The following MARCHF1 variants were observed in gnomAD, a reference collection of about 807,000 sequenced individuals.
The protein encoded by MARCHF1 is membrane associated ring-CH-type finger 1.
MARCHF1 carries 40 observed loss-of-function variants against 54.2 expected under a neutral mutation model. That is an observed-to-expected ratio of 0.74 (90% CI 0.57 to 0.96). The LOEUF is 0.96. Among genes scored for constraint, MARCHF1 ranks in the 40% least tolerant of loss-of-function variants. The pLI is 0.00. For missense variants in MARCHF1, 586 were observed against 656.5 expected (o/e 0.89, Z 1.17); for synonymous variants, 236 against 236.3 (o/e 1.00, Z 0.01).
chr4:163,857,015 A>ACAATAAAT (rs1553958806), intron 3 of MARCHF1, among the ~76,000 whole-genome samples: 10 of 131,528 alleles, frequency 7.6e-5, no homozygotes, highest in East Asian at 2.1e-4. Flanking sequence ...TTTGTCTCGA[A>ACAATAAAT]AAATAAATAA....
At chr4:163,532,627 CAT>C (rs938678714) in intron 9 of MARCHF1, among the ~76,000 whole-genome samples, 6 of 151,796 alleles carry the variant, frequency 4.0e-5, no homozygotes, top group African/African-American at 1.2e-4. Context: ...ATTTGCAAAA[CAT>C]ATTCTGAAAA....
At chr4:163,757,647 A>G (rs1249679888) in intron 4 of MARCHF1, among the ~76,000 whole-genome samples, 1 of 152,210 alleles carries the variant, frequency 6.6e-6, no homozygotes, top group Non-Finnish European at 1.5e-5. Flanking sequence ...TAGAAACACC[A>G]TAGAAACACA....
chr4:163,727,859 T>A (rs186580853), intron 4 of MARCHF1, among the ~76,000 whole-genome samples: 6 of 151,954 alleles, frequency 3.9e-5, no homozygotes, highest in South Asian at 2.1e-4. Flanking sequence ...TTTATTTTTT[T>A]AATTTTATAT....
Position 163,944,409 on chromosome 4 carries a change from C to G in MARCHF1, c.-39+44092G>C, listed in dbSNP as rs555178864. 2.2e-4 allele frequency among the ~76,000 whole-genome samples: 34 copies of G among 152,300 alleles called. No individual in the cohort carries two copies. In the East Asian group the frequency reaches 5.8e-3, roughly 26 times the overall value. ...GAAAGCTGCTTCACCTGATGTCACA[C>G]CTTTTGTGGGGAAGTCCACAACCAG... On this transcript the variant is annotated intron_variant, in intron 3 of 9. Transcript: ENST00000514618.
At chr4:163,828,395 T>G (rs1748916093) in intron 4 of MARCHF1, among the ~76,000 whole-genome samples, 1 of 152,152 alleles carries the variant, frequency 6.6e-6, no homozygotes, top group African/African-American at 2.4e-5. Flanking sequence ...GCTTCAGTCA[T>G]TATAGACTTT....
intron 4 of MARCHF1, among the ~76,000 whole-genome samples, chr4:163,730,796 T>C (rs886761029): frequency 1.3e-5 from 2 of 152,164 alleles, no homozygotes; most frequent in African/African-American, 2.4e-5. Context: ...CCAAAGAGTA[T>C]GAATTTGTTC....
chr4:163,928,549 C>T (rs182294614), intron 3 of MARCHF1, among the ~76,000 whole-genome samples: 97 of 151,974 alleles, frequency 6.4e-4, no homozygotes, highest in African/African-American at 2.3e-3. Flanking sequence ...TGACTTGAGG[C>T]AATCTTAACT....
chr4:163,830,392 A>C (rs1748985091), intron 4 of MARCHF1, among the ~76,000 whole-genome samples: 2 of 152,264 alleles, frequency 1.3e-5, no homozygotes, highest in South Asian at 4.1e-4. Flanking sequence ...ATTGGACTAA[A>C]GGAGGCAACT....
In MARCHF1 at chr4:164,247,425, G is replaced by A. The variant is rs1732983328; in HGVS notation, c.-322-135763C>T. Among the ~76,000 whole-genome samples, 3 of 151,602 alleles carry A rather than the reference G, an allele frequency of 2.0e-5. No homozygotes were observed. In the South Asian group the frequency reaches 6.3e-4, roughly 32 times the overall value. On this transcript the variant is annotated intron_variant, in intron 1 of 9. Transcript: ENST00000514618. Reference sequence around the variant, plus strand: ...TGAACAATGAGATCACATGGACACAGGAAGGGGAATATCACACTCTGGTGA... The same window carrying A: ...TGAACAATGAGATCACATGGACACAAGAAGGGGAATATCACACTCTGGTGA...
chr4:163,831,126 C>A (rs1053060229), intron 4 of MARCHF1, among the ~76,000 whole-genome samples: 1 of 152,224 alleles, frequency 6.6e-6, no homozygotes, highest in African/African-American at 2.4e-5. Flanking sequence ...TGGCTAAATT[C>A]TCTTCGTAAC....
rs57456905 is a variant in MARCHF1 at position 164,327,850 on chromosome 4, C to T, written c.-323+56020G>A. 2.3e-3 allele frequency among the ~76,000 whole-genome samples: 345 copies of T among 152,286 alleles called. 1 individual carries two copies. The highest frequency in any genetic ancestry group is 7.7e-3 in the African/African-American group (320 of 41,568). On this transcript the variant is annotated intron_variant, in intron 1 of 9. Transcript: ENST00000514618. ...AGCCCCTGCAGCTGGAAAGCTGGTG[C>T]AGCTATTCTTTAAAATAGAAACAAG...
chr4:164,356,590 G>C (rs1432719902), intron 1 of MARCHF1, among the ~76,000 whole-genome samples: 1 of 139,990 alleles, frequency 7.1e-6, no homozygotes, highest in East Asian at 2.1e-4. Context: ...CACATGAAGG[G>C]GATCACACTC....
At chr4:163,752,381 C>T (rs72995229) in intron 4 of MARCHF1, among the ~76,000 whole-genome samples, 5,883 of 152,192 alleles carry the variant, frequency 0.039, 168 homozygotes, top group East Asian at 0.077. Flanking sequence ...GATATCACAA[C>T]GACACCATAG....
At chr4:164,259,666 T>C (rs1285474944) in intron 1 of MARCHF1, among the ~76,000 whole-genome samples, 1 of 151,940 alleles carries the variant, frequency 6.6e-6, no homozygotes, top group Non-Finnish European at 1.5e-5. Flanking sequence ...TATTAAGCTG[T>C]TGTTTAGGGG....
At chr4:164,041,944 G>A (rs1754138182) in intron 2 of MARCHF1, among the ~76,000 whole-genome samples, 1 of 151,982 alleles carries the variant, frequency 6.6e-6, no homozygotes. Flanking sequence ...TTATTTAAAT[G>A]ATCAATCCAG....
At position 163,799,213 on chromosome 4, in the gene MARCHF1, G is replaced by A. The variant is rs561523456; in HGVS notation, c.111+54808C>T. 1.9e-4 allele frequency among the ~76,000 whole-genome samples: 29 copies of A among 152,172 alleles called. No homozygotes were observed. The East Asian group carries it at 1.9e-3, about 10-fold the overall frequency. On this transcript the variant is annotated intron_variant, in intron 4 of 9. Coordinates refer to ENST00000514618, the MANE Select transcript of MARCHF1 (RefSeq NM_001394959.1). ...TAGCAGCTCCCTATCTGGATAGTGCGGACTGAGAGCATTTTCAGTATCACA... is the reference window on the plus strand; with the variant it reads ...TAGCAGCTCCCTATCTGGATAGTGCAGACTGAGAGCATTTTCAGTATCACA...
At chr4:163,775,549 T>C (rs1262073278) in intron 4 of MARCHF1, among the ~76,000 whole-genome samples, 1 of 152,112 alleles carries the variant, frequency 6.6e-6, no homozygotes, top group Non-Finnish European at 1.5e-5. Flanking sequence ...GTCCTGATAC[T>C]CTCAAATTCA....
intron 1 of MARCHF1, among the ~76,000 whole-genome samples, chr4:164,127,140 C>G (rs1054099319): frequency 4.3e-4 from 65 of 152,064 alleles, no homozygotes; most frequent in African/African-American, 1.5e-3. Flanking sequence ...ATAAAGCAGC[C>G]AAAAACATGG....
At chr4:163,896,568 C>T (rs1376410456) in intron 3 of MARCHF1, among the ~76,000 whole-genome samples, 1 of 152,048 alleles carries the variant, frequency 6.6e-6, no homozygotes, top group African/African-American at 2.4e-5. Flanking sequence ...TTCTTCTTTT[C>T]GAATGCTTAT....
Sources: gnomAD v4.1 joint callset for allele counts (sites outside exome capture counted in the v4.1 genomes callset) on GRCh38, gnomAD v4.1.1 for gene constraint, MANE v1.5 for transcripts, NCBI Gene and HGNC (gene_info 2026-07-23, HGNC 2026-07-21) for gene names.